The following FHIT variants were observed in gnomAD, a reference collection of about 807,000 sequenced individuals.
FHIT encodes fragile histidine triad diadenosine triphosphatase, also known as bis(5'-adenosyl)-triphosphatase.
Under a neutral mutation model 17.9 loss-of-function variants are expected in FHIT, and 19 were observed. The ratio of observed to expected loss-of-function variants is 1.06; its 90% CI spans 0.74 to 1.56. The LOEUF is 1.56. Ranked by LOEUF, FHIT falls within the 40% of genes most tolerant of loss-of-function variation. FHIT has a pLI of 0.00. For missense variants in FHIT, 248 were observed against 189.2 expected, an observed-to-expected ratio of 1.31 and a Z score of -1.82; for synonymous variants, 81 against 69.7, an observed-to-expected ratio of 1.16 and a Z score of -0.81.
chr3:61,195,328 T>C (rs1444815341), intron 2 of FHIT, among the ~76,000 whole-genome samples: 2 of 152,096 alleles, frequency 1.3e-5, no homozygotes, highest in African/African-American at 4.8e-5. Context: ...CACCCACTAG[T>C]GTGATGATCT....
At chr3:59,965,025 T>A (rs1318992322) in intron 7 of FHIT, among the ~76,000 whole-genome samples, 1 of 152,092 alleles carries the variant, frequency 6.6e-6, no homozygotes, top group Non-Finnish European at 1.5e-5. Flanking sequence ...TCATAGGAAT[T>A]AAACAAACAA....
chr3:60,888,714 G>A (rs782437984), intron 3 of FHIT, among the ~76,000 whole-genome samples: 1 of 152,138 alleles, frequency 6.6e-6, no homozygotes, highest in Non-Finnish European at 1.5e-5. Context: ...TAGGCATAAT[G>A]TCCATATAAG....
chr3:60,076,225 C>T (rs1010486331), intron 5 of FHIT, among the ~76,000 whole-genome samples: 1 of 152,032 alleles, frequency 6.6e-6, no homozygotes, highest in African/African-American at 2.4e-5. Flanking sequence ...TTTCCACATC[C>T]ACTTTCTTCT....
rs113784667 is a variant in FHIT, at chr3:60,450,076, A to C, written c.103+86784T>G. On this transcript the variant is annotated intron_variant, in intron 5 of 9. Coordinates refer to ENST00000492590, the MANE Select transcript of FHIT (RefSeq NM_002012.4). ...AGACCTATATAGAGCACTTAACATG[A>C]ATGAAGCTTACGGGACTAGAAATTG... Among the ~76,000 whole-genome samples, 589 of 151,754 alleles carry C rather than the reference A, an allele frequency of 3.9e-3. 3 individuals carry two copies. Among genetic ancestry groups the C allele is most frequent in the African/African-American group, 0.014 (560 of 41,358 alleles).
intron 5 of FHIT, among the ~76,000 whole-genome samples, chr3:60,357,190 G>A (rs1248721612): frequency 6.6e-6 from 1 of 151,974 alleles, no homozygotes; most frequent in African/African-American, 2.4e-5. Context: ...GGCAAACACT[G>A]GAGATCACTT....
intron 3 of FHIT, among the ~76,000 whole-genome samples, chr3:61,032,133 CTTCA>C (rs1441897729): frequency 1.3e-5 from 2 of 152,154 alleles, no homozygotes; most frequent in African/African-American, 4.8e-5. Flanking sequence ...TCGTGTATTC[CTTCA>C]TTCATTCAAC....
At chr3:61,167,694 G>A (rs1400620714) in intron 2 of FHIT, among the ~76,000 whole-genome samples, 1 of 150,166 alleles carries the variant, frequency 6.7e-6, no homozygotes, top group Non-Finnish European at 1.5e-5. Flanking sequence ...GAAAAGAAAG[G>A]ACAGGACAGG....
At chr3:60,340,160 T>G (rs1277181615) in intron 5 of FHIT, among the ~76,000 whole-genome samples, 4 of 152,188 alleles carry the variant, frequency 2.6e-5, no homozygotes, top group African/African-American at 9.6e-5. Flanking sequence ...AACAGTGATA[T>G]GATTGCTGTA....
chr3:60,147,732 C>T (rs1415071437), intron 5 of FHIT, among the ~76,000 whole-genome samples: 2 of 152,118 alleles, frequency 1.3e-5, no homozygotes, highest in African/African-American at 4.8e-5. Flanking sequence ...GCTATCTTCC[C>T]GGAGCTTCTC....
intron 5 of FHIT, among the ~76,000 whole-genome samples, chr3:60,528,534 G>C (rs1246284961): frequency 1.3e-5 from 2 of 152,102 alleles, no homozygotes; most frequent in Non-Finnish European, 2.9e-5. Context: ...TTCAGTGTGA[G>C]GAAGATGACC....
At chr3:60,840,931 T>C (rs1394221462) in intron 3 of FHIT, among the ~76,000 whole-genome samples, 1 of 152,256 alleles carries the variant, frequency 6.6e-6, no homozygotes. Flanking sequence ...TTATATGAGT[T>C]AGTATCATCT....
chr3:60,395,634 T>C (rs933629176), intron 5 of FHIT, among the ~76,000 whole-genome samples: 2 of 152,068 alleles, frequency 1.3e-5, no homozygotes, highest in African/African-American at 4.8e-5. Context: ...AGAGAAAGGT[T>C]TTTAAAAGGA....
chr3:61,225,601 GT>G (rs2039950520), intron 1 of FHIT, among the ~76,000 whole-genome samples: 1 of 152,210 alleles, frequency 6.6e-6, no homozygotes, highest in Non-Finnish European at 1.5e-5. Flanking sequence ...ACTTTCTGCG[GT>G]TTCAGTAATA....
chr3:61,076,705 T>G (rs1340636738), intron 2 of FHIT, among the ~76,000 whole-genome samples: 2 of 152,116 alleles, frequency 1.3e-5, no homozygotes, highest in Admixed American at 6.6e-5. Context: ...ATATACAGAA[T>G]AGAAGAACAG....
intron 3 of FHIT, among the ~76,000 whole-genome samples, chr3:61,009,469 G>C (rs1023872875): frequency 6.6e-6 from 1 of 152,172 alleles, no homozygotes; most frequent in Non-Finnish European, 1.5e-5. Flanking sequence ...CTTAGTGAAA[G>C]TCAATGAAAT....
At chr3:59,832,000 G>T (rs766321789) in intron 8 of FHIT, among the ~76,000 whole-genome samples, 11 of 152,012 alleles carry the variant, frequency 7.2e-5, no homozygotes, top group Non-Finnish European at 1.6e-4. Flanking sequence ...CTAAGGAGCT[G>T]GGTAGTTAAC....
chr3:59,987,682 T>A (rs1444084333), intron 7 of FHIT, among the ~76,000 whole-genome samples: 1 of 152,034 alleles, frequency 6.6e-6, no homozygotes, highest in Non-Finnish European at 1.5e-5. Flanking sequence ...CACTTTTTTT[T>A]CATCAATCTG....
At chr3:60,210,969 T>C (rs1178324657) in intron 5 of FHIT, among the ~76,000 whole-genome samples, 1 of 150,884 alleles carries the variant, frequency 6.6e-6, no homozygotes, top group Non-Finnish European at 1.5e-5. Flanking sequence ...GCAGCATTAT[T>C]TAAAATAACA....
chr3:61,119,210 T>A (rs1232678634), intron 2 of FHIT, among the ~76,000 whole-genome samples: 1 of 152,036 alleles, frequency 6.6e-6, no homozygotes, highest in Admixed American at 6.6e-5. Context: ...GCTTCATAGA[T>A]ACTGTGATAG....
Sources: allele counts gnomAD v4.1 joint callset (sites outside exome capture counted in the v4.1 genomes callset), GRCh38; gene constraint gnomAD v4.1.1; transcripts MANE v1.5; gene names NCBI Gene and HGNC (gene_info 2026-07-23, HGNC 2026-07-21).